ROBO2: variants seen among roughly 807,000 people sequenced by gnomAD.
ROBO2 encodes roundabout guidance receptor 2, also known as roundabout homolog 2.
ROBO2 carries 53 observed loss-of-function variants against 160.8 expected under a neutral mutation model. The ratio of observed to expected loss-of-function variants is 0.33; its 90% CI spans 0.26 to 0.41. The LOEUF is 0.41. Ranked by LOEUF, ROBO2 falls within the 10% of genes least tolerant of loss-of-function variation. ROBO2 has a pLI of 1.00. For missense variants in ROBO2, 1,577 were observed against 1,722.4 expected, an observed-to-expected ratio of 0.92 and a Z score of 1.49; for synonymous variants, 664 against 611.7, an observed-to-expected ratio of 1.09 and a Z score of -1.26.
chr3:77,461,562 GT>G (rs144796011), intron 2 of ROBO2, among the ~76,000 whole-genome samples: 1 of 151,724 alleles, frequency 6.6e-6, no homozygotes, highest in Non-Finnish European at 1.5e-5. Flanking sequence ...TGATATTTTT[GT>G]TTTTGTATAT....
At chr3:76,961,247 G>GGAAAAA (rs761616869) in intron 2 of ROBO2, among the ~76,000 whole-genome samples, 1,447 of 54,344 alleles carry the variant, frequency 0.027, 84 homozygotes, top group African/African-American at 0.075. Context: ...GTGCCACAGA[G>GGAAAAA]AAAAAAAAAA....
At position 77,175,768 on chromosome 3, in the gene ROBO2, G is replaced by C. The variant is rs77957895; in HGVS notation, c.388+77428G>C. Among the ~76,000 whole-genome samples the C allele has an allele frequency of 6.8e-3, 1,039 of 152,048 alleles. 60 individuals are homozygous for C. In the East Asian group the frequency reaches 0.14, roughly 21 times the overall value. On this transcript the variant is annotated intron_variant, in intron 2 of 25. Coordinates refer to ENST00000461745, the Ensembl canonical transcript of ROBO2. ...TTTAAATCATAACTTAGAAGATAAGGAGCTGCTATCTGAACACTGATCAAA... is the reference window on the plus strand; with the variant it reads ...TTTAAATCATAACTTAGAAGATAAGCAGCTGCTATCTGAACACTGATCAAA...
intron 2 of ROBO2, among the ~76,000 whole-genome samples, chr3:76,078,148 G>A (rs952827428): frequency 7.2e-5 from 11 of 152,162 alleles, no homozygotes; most frequent in Non-Finnish European, 1.6e-4. Flanking sequence ...GTAGCTAGAG[G>A]ATCATAACAA....
At chr3:76,236,913 A>T (rs188188702) in intron 2 of ROBO2, among the ~76,000 whole-genome samples, 1 of 152,064 alleles carries the variant, frequency 6.6e-6, no homozygotes, top group East Asian at 1.9e-4. Context: ...AGTGTATATA[A>T]TGTTGCATTT....
intron 2 of ROBO2, among the ~76,000 whole-genome samples, chr3:76,868,576 C>T (rs930097092): frequency 7.2e-5 from 11 of 152,154 alleles, no homozygotes; most frequent in Admixed American, 7.2e-4. Context: ...TAAGTTGCCT[C>T]TGTTGCTAAA....
At chr3:76,086,866 G>A (rs2069036139) in intron 2 of ROBO2, among the ~76,000 whole-genome samples, 1 of 152,012 alleles carries the variant, frequency 6.6e-6, no homozygotes, top group African/African-American at 2.4e-5. Flanking sequence ...TCAAAAAGAA[G>A]TATTAGAGTT....
chr3:76,527,652 T>A (rs974100074), intron 2 of ROBO2, among the ~76,000 whole-genome samples: 35 of 152,174 alleles, frequency 2.3e-4, no homozygotes, highest in African/African-American at 8.2e-4. Flanking sequence ...ATGAGATTTT[T>A]AAAAAAATAC....
chr3:76,778,247 C>T (rs1024110535), intron 2 of ROBO2, among the ~76,000 whole-genome samples: 5 of 151,096 alleles, frequency 3.3e-5, no homozygotes, highest in Admixed American at 6.6e-5. Flanking sequence ...ATGTGGTAGT[C>T]ATTAATGCTA....
chr3:76,567,879 A>C (rs575416350), intron 2 of ROBO2, among the ~76,000 whole-genome samples: 1 of 132,408 alleles, frequency 7.6e-6, no homozygotes, highest in East Asian at 2.2e-4. Context: ...CAATGGGAGG[A>C]TCATGGCTCA....
chr3:77,115,256 T>C (rs1244737892), intron 2 of ROBO2, among the ~76,000 whole-genome samples: 2 of 152,180 alleles, frequency 1.3e-5, no homozygotes, highest in African/African-American at 4.8e-5. Flanking sequence ...TAAAGTAATT[T>C]AGAGAAATTT....
chr3:77,111,540 C>T (rs2073578159), intron 2 of ROBO2, among the ~76,000 whole-genome samples: 1 of 152,106 alleles, frequency 6.6e-6, no homozygotes, highest in African/African-American at 2.4e-5. Context: ...TATTCAAATT[C>T]ATGTATTTAC....
intron 2 of ROBO2, among the ~76,000 whole-genome samples, chr3:77,402,885 T>A (rs1258397783): frequency 6.6e-6 from 1 of 152,112 alleles, no homozygotes; most frequent in Non-Finnish European, 1.5e-5. Context: ...CTTTACTTTC[T>A]TTCATTCCTG....
intron 22 of ROBO2, among the ~76,000 whole-genome samples, chr3:77,619,601 G>A (rs77309736): frequency 0.1 from 15,594 of 152,078 alleles, 1,074 homozygotes; most frequent in Admixed American, 0.16. Context: ...GAGGTCCTGC[G>A]ACTTCATTTT....
chr3:77,489,512 AC>A (rs1461746155), intron 4 of ROBO2, among the ~76,000 whole-genome samples: 60 of 152,248 alleles, frequency 3.9e-4, no homozygotes, highest in Middle Eastern at 3.4e-3. Flanking sequence ...TCCATATAAA[AC>A]AATGAGGCTT....
chr3:76,036,043 G>A (rs1050327220), intron 2 of ROBO2, among the ~76,000 whole-genome samples: 2 of 151,620 alleles, frequency 1.3e-5, no homozygotes, highest in African/African-American at 4.9e-5. Flanking sequence ...AGTTGATTCT[G>A]GTGCTGAAAA....
intron 2 of ROBO2, among the ~76,000 whole-genome samples, chr3:76,124,877 G>A (rs536428333): frequency 2.0e-5 from 3 of 151,930 alleles, no homozygotes; most frequent in Non-Finnish European, 4.4e-5. Context: ...AGATACAGAG[G>A]GTACATATGC....
Position 76,990,110 on chromosome 3 carries a change from A to G in ROBO2, c.110-107904A>G, listed in dbSNP as rs531135517. The stretch of plus-strand genomic sequence containing the variant: ...TTTTCTACTCTCTTCTATTCTTTTA[A>G]AAATTAAAATAAAATGAAAAACTAA... On this transcript the variant is annotated intron_variant, in intron 2 of 26. Transcript: ENST00000487694. 2.5e-3 allele frequency among the ~76,000 whole-genome samples: 384 copies of G among 152,302 alleles called. 3 individuals carry two copies. Among genetic ancestry groups the G allele is most frequent in the African/African-American group, 8.6e-3 (358 of 41,576 alleles).
At chr3:76,586,324 T>C (rs768637473) in intron 2 of ROBO2, among the ~76,000 whole-genome samples, 4 of 152,176 alleles carry the variant, frequency 2.6e-5, no homozygotes. Flanking sequence ...TACAAGACTA[T>C]TTTCAAGTGC....
chr3:76,114,607 G>C (rs942831395), intron 2 of ROBO2, among the ~76,000 whole-genome samples: 2 of 151,918 alleles, frequency 1.3e-5, no homozygotes, highest in Non-Finnish European at 2.9e-5. Flanking sequence ...CATTAAAGTG[G>C]TTATGTAATG....
Sources: allele counts gnomAD v4.1 joint callset (sites outside exome capture counted in the v4.1 genomes callset), GRCh38; gene constraint gnomAD v4.1.1; transcripts MANE v1.5; gene names NCBI Gene and HGNC (gene_info 2026-07-23, HGNC 2026-07-21).